The following PDE1C variants were observed in gnomAD, a reference collection of about 807,000 sequenced individuals.
PDE1C encodes the protein phosphodiesterase 1C.
In PDE1C, 62 loss-of-function variants were observed where a neutral mutation model predicts 93.1. The ratio of observed to expected loss-of-function variants is 0.67; its 90% confidence interval spans 0.54 to 0.82. The LOEUF is 0.82. Among genes scored for constraint, PDE1C ranks in the 40% least tolerant of loss-of-function variants. PDE1C has a pLI of 0.00. For synonymous variants in PDE1C, 325 were observed against 310.1 expected (o/e 1.05, Z -0.50); for missense variants, 742 against 884.6 (o/e 0.84, Z 2.04).
chr7:31,910,292 C>G (rs1332836997), intron 2 of PDE1C, among the ~76,000 whole-genome samples: 1 of 152,144 alleles, frequency 6.6e-6, no homozygotes, highest in Non-Finnish European at 1.5e-5. Flanking sequence ...AGTATTCTTT[C>G]CAACTGCTTG....
At chr7:31,664,938 T>C in the PDE1C span, among the ~76,000 whole-genome samples, 2 of 152,198 alleles carry the variant, frequency 1.3e-5, no homozygotes, top group Admixed American at 6.5e-5. Context: ...ATCAGGTACA[T>C]TGGCCACCTA....
At chr7:31,828,143 G>A (rs951220664) in intron 12 of PDE1C, 149 bp downstream of exon 12, 34 of 535,686 alleles carry the variant, frequency 6.3e-5, no homozygotes, top group African/African-American at 5.9e-4. Flanking sequence ...TGGACAGAGT[G>A]GTTCCATAAA....
intron 2 of PDE1C, among the ~76,000 whole-genome samples, chr7:32,185,370 T>C (rs1320970774): frequency 2.0e-5 from 3 of 152,176 alleles, no homozygotes; most frequent in South Asian, 4.1e-4. Context: ...CCAGTAATTC[T>C]ATTCTTCACC....
At chr7:31,730,893 C>T in the PDE1C span, among the ~76,000 whole-genome samples, 9,799 of 151,966 alleles carry the variant, frequency 0.064, 372 homozygotes, top group Non-Finnish European at 0.091. Flanking sequence ...AAGAGGAAAG[C>T]ACACTGCAGA....
chr7:31,625,878 C>G, the PDE1C span, among the ~76,000 whole-genome samples: 1 of 151,424 alleles, frequency 6.6e-6, no homozygotes, highest in Middle Eastern at 3.2e-3. Flanking sequence ...ATAAAGTGAT[C>G]TCATCTAAAA....
chr7:32,159,755 C>T (rs962481109), intron 3 of PDE1C, among the ~76,000 whole-genome samples: 3 of 152,120 alleles, frequency 2.0e-5, no homozygotes, highest in Admixed American at 1.3e-4. Context: ...TGAGTGTCCT[C>T]TTCTCTCTCT....
intron 2 of PDE1C, among the ~76,000 whole-genome samples, chr7:32,016,784 AT>A (rs893090226): frequency 6.6e-6 from 1 of 152,202 alleles, no homozygotes; most frequent in South Asian, 2.1e-4. Context: ...TTATTATAAC[AT>A]TTTTTGTACA....
At chr7:31,793,054 T>C (rs1268317966) in intron 16 of PDE1C, among the ~76,000 whole-genome samples, 10 of 152,070 alleles carry the variant, frequency 6.6e-5, no homozygotes, top group Non-Finnish European at 2.9e-5. Flanking sequence ...GTATTTACTC[T>C]ATAGGAGCAT....
chr7:32,104,555 A>G (rs1798200402), intron 3 of PDE1C, among the ~76,000 whole-genome samples: 1 of 152,034 alleles, frequency 6.6e-6, no homozygotes, highest in South Asian at 2.1e-4. Flanking sequence ...CCTGATTTGG[A>G]TTTTCTGTTT....
At chr7:31,645,869 A>G in the PDE1C span, among the ~76,000 whole-genome samples, 6,712 of 152,250 alleles carry the variant, frequency 0.044, 212 homozygotes, top group Non-Finnish European at 0.063. Context: ...CCAAAATGTC[A>G]GTAGTGTCAA....
At chr7:31,707,303 A>G in the PDE1C span, 3 of 1,599,898 alleles carry the variant, frequency 1.9e-6, no homozygotes, top group South Asian at 2.2e-5. Flanking sequence ...CCCTGAGACC[A>G]CTTGTAAATA....
chr7:32,030,407 T>A (rs1319149450), intron 2 of PDE1C, among the ~76,000 whole-genome samples: 1 of 152,116 alleles, frequency 6.6e-6, no homozygotes, highest in African/African-American at 2.4e-5. Flanking sequence ...TCTATGAATA[T>A]ATTTGAACAC....
At chr7:31,852,363 C>A (rs532572130) in intron 7 of PDE1C, among the ~76,000 whole-genome samples, 1 of 151,834 alleles carries the variant, frequency 6.6e-6, no homozygotes, top group African/African-American at 2.4e-5. Flanking sequence ...TTGAGGTACA[C>A]GGAACAGAAA....
intron 2 of PDE1C, among the ~76,000 whole-genome samples, chr7:32,179,582 CAAAGG>C (rs750978036): frequency 6.6e-6 from 1 of 152,094 alleles, no homozygotes; most frequent in Non-Finnish European, 1.5e-5. Flanking sequence ...CTTCCTTTAA[CAAAGG>C]AAGCTCAGGC....
rs570621267 is a variant in PDE1C, at chr7:31,752,757, T to C, written c.*627A>G. On this transcript the variant is annotated 3_prime_UTR_variant, in exon 18 of 18. Coordinates refer to ENST00000396191, the MANE Select transcript of PDE1C (RefSeq NM_001191057.4). The stretch of plus-strand genomic sequence containing the variant: ...CATGAGGCACAAAAATCTTTTTTTG[T>C]TTTTTAACTTGGATTTGCTTTATAA... 5.3e-5 allele frequency: 8 copies of C among 152,270 alleles called. No individual in the cohort carries two copies. Among genetic ancestry groups the C allele is most frequent in the African/African-American group, 1.7e-4 (7 of 41,576 alleles). 9.4% of individuals were successfully genotyped at this position (152,270 alleles called of 1,614,324 possible).
chr7:32,098,229 CAAA>C (rs60146342), intron 3 of PDE1C, among the ~76,000 whole-genome samples: 7 of 46,258 alleles, frequency 1.5e-4, no homozygotes, highest in African/African-American at 4.2e-4. Context: ...GACTCCGTCT[CAAA>C]AAAAAAAAAA....
the PDE1C span, among the ~76,000 whole-genome samples, chr7:31,668,955 G>C: frequency 6.6e-6 from 1 of 152,168 alleles, no homozygotes; most frequent in East Asian, 1.9e-4. Flanking sequence ...TTTATTTTTG[G>C]AACAGAGAGG....
chr7:32,286,106 G>T (rs1234871111), intron 1 of PDE1C, among the ~76,000 whole-genome samples: 10 of 152,202 alleles, frequency 6.6e-5, no homozygotes, highest in African/African-American at 2.4e-4. Context: ...TGAGCTTTCT[G>T]TTGAAACACA....
chr7:31,697,202 C>A, the PDE1C span: 2 of 1,508,748 alleles, frequency 1.3e-6, no homozygotes, highest in South Asian at 2.6e-5. Flanking sequence ...AGGGCCTGGC[C>A]GTTGTCCTGC....
Sources: gnomAD v4.1 joint callset for allele counts (sites outside exome capture counted in the v4.1 genomes callset) on GRCh38, gnomAD v4.1.1 for gene constraint, MANE v1.5 for transcripts, NCBI Gene and HGNC (gene_info 2026-07-23, HGNC 2026-07-21) for gene names.